The following KLHL12 variants were observed in gnomAD, a reference collection of about 807,000 sequenced individuals.
KLHL12 encodes the protein kelch-like protein 12.
A neutral mutation model predicts 60.8 loss-of-function variants in KLHL12; 17 were observed. The observed-to-expected ratio is 0.28, with a 90% CI of 0.19 to 0.42. The LOEUF (loss-of-function observed/expected upper bound fraction) is 0.42, where lower values mean the gene tolerates loss of function less well. Among genes scored for constraint, KLHL12 ranks in the 10% least tolerant of loss-of-function variants. The pLI is 1.00. For missense variants in KLHL12, 468 were observed against 722.3 expected, an observed-to-expected ratio of 0.65 and a Z score of 4.04; for synonymous variants, 220 against 250.9, an observed-to-expected ratio of 0.88 and a Z score of 1.16.
At position 202,893,177 on chromosome 1, in the gene KLHL12, C is replaced by T; in HGVS notation, c.1580+62G>A. 7.5e-7 allele frequency: 1 copy of T among 1,333,008 alleles called. No individual in the cohort carries two copies. The highest frequency in any genetic ancestry group is 1.5e-5 in the African/African-American group (1 of 66,992). The allele number at this position is 1,333,008 out of a possible 1,614,324, so 82.6% of individuals were successfully genotyped here. ...CTTGTCTCTGTCCAAAAATGAGGAT[C>T]AGATCACATAGACTCTTGCTCTGGC... On this transcript the variant is annotated intron_variant, in intron 11 of 11. Transcript: ENST00000367261. This position sits in a 1 kb window ranked among gnomAD's most constrained non-coding sequence, Gnocchi z 4.1.
Position 202,895,408 on chromosome 1 carries a change from T to C in KLHL12, c.1135+114A>G, listed in dbSNP as rs960925355. ...GACCCTGTCTCAAATAATAATAACATTTGACCTTAATTTTTTCTCCGTATT... is the reference window on the plus strand; with the variant it reads ...GACCCTGTCTCAAATAATAATAACACTTGACCTTAATTTTTTCTCCGTATT... On this transcript the variant is annotated intron_variant, in intron 8 of 11. Transcript: ENST00000367261. This position sits in a 1 kb window ranked among gnomAD's most constrained non-coding sequence, Gnocchi z 4.2. 5 of 891,848 alleles carry C rather than the reference T, an allele frequency of 5.6e-6. No homozygotes were observed. The highest frequency in any genetic ancestry group is 1.7e-5 in the African/African-American group (1 of 58,902). 55.2% of individuals were successfully genotyped at this position (891,848 alleles called of 1,614,324 possible).
chr1:202,893,850 G>C lies in KLHL12; in HGVS notation c.1393+334C>G, dbSNP rs1448762889. Among the ~76,000 whole-genome samples the C allele has an allele frequency of 6.6e-6, 1 of 152,142 alleles. No individual in the cohort carries two copies. Among genetic ancestry groups the C allele is most frequent in the Admixed American group, 6.5e-5 (1 of 15,276 alleles). ...ATCCCAGCCTGCTCCACTTCAAAAAGCTCTTGGTGAAGGTAAGTAGCTACT... is the reference window on the plus strand; with the variant it reads ...ATCCCAGCCTGCTCCACTTCAAAAACCTCTTGGTGAAGGTAAGTAGCTACT... On this transcript the variant is annotated intron_variant, in intron 10 of 11. Transcript: ENST00000367261. This position sits in a 1 kb window ranked among gnomAD's most constrained non-coding sequence, Gnocchi z 4.1.
chr1:202,891,150 A>T lies in KLHL12; in HGVS notation c.*1383T>A, dbSNP rs1659663577. Reference sequence around the variant, plus strand: ...GACCGTTGATTTTTAATATTTTCTTAAAAAAATACAAAGGAAATTAACTCT... The same window carrying T: ...GACCGTTGATTTTTAATATTTTCTTTAAAAAATACAAAGGAAATTAACTCT... On this transcript the variant is annotated 3_prime_UTR_variant, in exon 12 of 12. Coordinates refer to ENST00000367261, the MANE Select transcript of KLHL12 (RefSeq NM_021633.4). 6.6e-6 allele frequency: 1 copy of T among 152,522 alleles called. No individual in the cohort carries two copies. Among genetic ancestry groups the T allele is most frequent in the Non-Finnish European group, 1.5e-5 (1 of 68,030 alleles). The allele number at this position is 152,522 out of a possible 1,614,324, so 9.4% of individuals were successfully genotyped here.
upstream of KLHL12, among the ~76,000 whole-genome samples, chr1:202,927,575 C>G (rs1465455248): frequency 7.1e-6 from 1 of 141,112 alleles, no homozygotes; most frequent in Non-Finnish European, 1.5e-5. Flanking sequence ...CCCAGCTACT[C>G]GAGAGGCTGA....
chr1:202,904,566 C>T (rs529931840), intron 6 of KLHL12, among the ~76,000 whole-genome samples: 61 of 152,288 alleles, frequency 4.0e-4, no homozygotes, highest in African/African-American at 1.3e-3. Flanking sequence ...CCTGTTTGTT[C>T]TCTGCCAATG....
upstream of KLHL12, among the ~76,000 whole-genome samples, chr1:202,927,588 G>A (rs1279789046): frequency 6.7e-6 from 1 of 148,704 alleles, no homozygotes; most frequent in Non-Finnish European, 1.5e-5. Context: ...GAGGCTGACA[G>A]GAGGATCACT....
chr1:202,893,106 TAAAA>T lies in KLHL12; in HGVS notation c.1580+129_1580+132del. 3.1e-6 allele frequency: 2 copies of T among 648,362 alleles called. No homozygotes were observed. The highest frequency in any genetic ancestry group is 2.6e-6 in the Non-Finnish European group (1 of 389,000). 40.2% of individuals were successfully genotyped at this position (648,362 alleles called of 1,614,324 possible). On this transcript the variant is annotated intron_variant, in intron 11 of 11. Coordinates refer to ENST00000367261, the MANE Select transcript of KLHL12 (RefSeq NM_021633.4). This position sits in a 1 kb window ranked among gnomAD's most constrained non-coding sequence, Gnocchi z 4.1. The stretch of plus-strand genomic sequence containing the variant: ...TCTCTAAAAAATAAAAAAAATCTAA[TAAAA>T]AAAATCAAGTTGCCACTGGAGATGT...
At chr1:202,927,979 CT>C (rs1444848564), upstream of KLHL12, among the ~76,000 whole-genome samples, 9 of 52,876 alleles carry the variant, frequency 1.7e-4, no homozygotes, top group Non-Finnish European at 3.4e-4. Flanking sequence ...GACTCTGTCT[CT>C]TAAAAAAAAA....
rs186652147 is a variant in KLHL12 at position 202,912,443 on chromosome 1, G to A, written c.568-1240C>T. The A allele has an allele frequency of 6.5e-4, 548 of 844,438 alleles. 2 individuals are homozygous for A. In the African/African-American group the frequency reaches 7.8e-3, roughly 12 times the overall value. 52.3% of individuals were successfully genotyped at this position (844,438 alleles called of 1,614,324 possible). The stretch of plus-strand genomic sequence containing the variant: ...TTGGTTTGGTCGTGGAGGTGGTTTC[G>A]GTTGGCATGACAGCCGTGGTGGTGG... On this transcript the variant is annotated intron_variant, in intron 4 of 11. Coordinates refer to ENST00000367261, the MANE Select transcript of KLHL12 (RefSeq NM_021633.4).
chr1:202,896,816 TA>T (rs1313262062), intron 7 of KLHL12, 37 bp downstream of exon 7: 1 of 1,477,384 alleles, frequency 6.8e-7, no homozygotes. Context: ...TGAGGACATT[TA>T]ACATCCCTCC....
chr1:202,894,335 T>C, intron 9 of KLHL12, 53 bp from the exon 10 acceptor site: 1 of 1,292,830 alleles, frequency 7.7e-7, no homozygotes, highest in Non-Finnish European at 1.1e-6. Context: ...TGCCCATTCC[T>C]GGTCGGTTTT....
chr1:202,908,818 GTAGA>G (rs1660271594), intron 6 of KLHL12, among the ~76,000 whole-genome samples, 188 bp downstream of exon 6: 2 of 152,162 alleles, frequency 1.3e-5, no homozygotes, highest in African/African-American at 4.8e-5. Flanking sequence ...ATTATGTGAA[GTAGA>G]TAGAGAAGAC....
At chr1:202,919,147 T>A (rs1412223237) in intron 3 of KLHL12, among the ~76,000 whole-genome samples, 1 of 152,150 alleles carries the variant, frequency 6.6e-6, no homozygotes, top group East Asian at 1.9e-4. Context: ...TCCCAGCTAC[T>A]CAGGAGGCTG....
chr1:202,901,106 A>G (rs1360278841), intron 6 of KLHL12, among the ~76,000 whole-genome samples: 2 of 152,276 alleles, frequency 1.3e-5, no homozygotes, highest in African/African-American at 2.4e-5. Flanking sequence ...GCACCTTTTG[A>G]AGGGTGGGAG....
At chr1:202,928,391 G>A, upstream of KLHL12, 1 of 691,896 alleles carries the variant, frequency 1.4e-6, no homozygotes, top group East Asian at 6.9e-5. Flanking sequence ...CTGAGCCTGA[G>A]TTCCTCCCTA....
At chr1:202,910,111 GT>G (rs1660311030) in intron 5 of KLHL12, among the ~76,000 whole-genome samples, 1 of 152,136 alleles carries the variant, frequency 6.6e-6, no homozygotes, top group Non-Finnish European at 1.5e-5. Context: ...CAAAGACTTG[GT>G]TTTAAAAGTT....
In KLHL12 at chr1:202,903,629, C is replaced by CTTTTTTTTTTTTTTTTTTTTTTTTTTTTT. The variant is rs1220119536; in HGVS notation, c.832+5380_832+5381insAAAAAAAAAAAAAAAAAAAAAAAAAAAAA. On this transcript the variant is annotated intron_variant, in intron 6 of 11. Coordinates refer to ENST00000367261, the MANE Select transcript of KLHL12 (RefSeq NM_021633.4). ...CTGGGACCACTAATTTTTTTCTTTT[C>CTTTTTTTTTTTTTTTTTTTTTTTTTTTTT]TTTTTTTTTTTGAAACGGCGTCTTG... Among the ~76,000 whole-genome samples the CTTTTTTTTTTTTTTTTTTTTTTTTTTTTT allele has an allele frequency of 2.2e-4, 17 of 76,084 alleles. 6 individuals are homozygous for CTTTTTTTTTTTTTTTTTTTTTTTTTTTTT. The highest frequency in any genetic ancestry group is 1.1e-3 in the South Asian group (2 of 1,860). 49.9% of individuals were successfully genotyped at this position (76,084 alleles called of 152,430 possible).
In KLHL12 at chr1:202,892,542, G is replaced by A. The variant is rs751453489; in HGVS notation, c.1698C>T (p.Arg566=). The change falls in exon 12 of 12, where the codon CGC becomes CGT. Residue 566 remains arginine, a synonymous_variant. Transcript: ENST00000367261. ...GGTGCTCCAACAATGGTCACTTCTC[G>A]CGGAGAACACAAACACCAGCATCAC... is the stretch of plus-strand genomic sequence containing the variant. ...QRCDAGVCVL[R]EK 1.3e-5 allele frequency: 21 copies of A among 1,613,562 alleles called. No individual in the cohort carries two copies. Among genetic ancestry groups the A allele is most frequent in the Admixed American group, 5.0e-5 (3 of 59,992 alleles).
intron 6 of KLHL12, among the ~76,000 whole-genome samples, chr1:202,906,707 G>A (rs561699118): frequency 5.2e-4 from 79 of 152,064 alleles, no homozygotes; most frequent in African/African-American, 1.9e-3. Flanking sequence ...TGTCGCCCAG[G>A]CTGGAGTACA....
Sources: allele counts gnomAD v4.1 joint callset (sites outside exome capture counted in the v4.1 genomes callset), GRCh38; gene constraint gnomAD v4.1.1; non-coding constraint Gnocchi (gnomAD v3.1); transcripts MANE v1.5; gene names NCBI Gene and HGNC (gene_info 2026-07-23, HGNC 2026-07-21).